The following ADNP2 variants were observed in gnomAD, a reference collection of about 807,000 sequenced individuals.
The protein encoded by ADNP2 is activity-dependent neuroprotector homeobox protein 2.
A neutral mutation model predicts 16.4 loss-of-function variants in ADNP2; 8 were observed. The ratio of observed to expected loss-of-function variants is 0.49; its 90% CI spans 0.29 to 0.88. The LOEUF (loss-of-function observed/expected upper bound fraction) is 0.88, where lower values mean the gene tolerates loss of function less well. Ranked by LOEUF, ADNP2 falls within the 40% of genes least tolerant of loss-of-function variation. The probability of loss-of-function intolerance (pLI) is 0.09; values close to 1 mark genes in which losing one functional copy is unlikely to be tolerated. For synonymous variants in ADNP2, 637 were observed against 545.8 expected, an observed-to-expected ratio of 1.17 and a Z score of -2.33; for missense variants, 1,397 against 1,395.1, an observed-to-expected ratio of 1.00 and a Z score of -0.02.
At chr18:80,128,991 C>A (rs1192795209) in intron 2 of ADNP2, among the ~76,000 whole-genome samples, 1 of 152,012 alleles carries the variant, frequency 6.6e-6, no homozygotes, top group Non-Finnish European at 1.5e-5. Flanking sequence ...AGCTATTTTA[C>A]CACTTGCTTT....
intron 2 of ADNP2, among the ~76,000 whole-genome samples, chr18:80,120,870 G>A (rs1309184106): frequency 6.6e-6 from 1 of 152,138 alleles, no homozygotes; most frequent in Non-Finnish European, 1.5e-5. Context: ...GGCCAGGATA[G>A]TCTCGATCTG....
chr18:80,123,615 C>T (rs1233956991), intron 2 of ADNP2, among the ~76,000 whole-genome samples: 4 of 152,242 alleles, frequency 2.6e-5, no homozygotes, highest in African/African-American at 4.8e-5. Flanking sequence ...GTGATCTGCC[C>T]GCCTCGGCCT....
At chr18:80,112,649 A>G (rs1303210636) in intron 1 of ADNP2, among the ~76,000 whole-genome samples, 1 of 152,250 alleles carries the variant, frequency 6.6e-6, no homozygotes, top group African/African-American at 2.4e-5. Flanking sequence ...TTGAACAAGT[A>G]ACCACAGACC....
At chr18:80,112,093 G>C (rs1914969) in intron 1 of ADNP2, among the ~76,000 whole-genome samples, 36,486 of 152,040 alleles carry the variant, frequency 0.24, 5,991 homozygotes, top group African/African-American at 0.47. Context: ...TTAGCCTGCT[G>C]TTTTCTAATG....
intron 2 of ADNP2, among the ~76,000 whole-genome samples, chr18:80,132,402 T>C (rs1032883315): frequency 6.6e-6 from 1 of 152,204 alleles, no homozygotes; most frequent in African/African-American, 2.4e-5. Context: ...GTGCATAGGT[T>C]ACATGCAAGT....
At chr18:80,130,742 C>T in intron 2 of ADNP2, among the ~76,000 whole-genome samples, 1 of 143,752 alleles carries the variant, frequency 7.0e-6, no homozygotes, top group African/African-American at 2.5e-5. Context: ...CAGCCCCCGC[C>T]CCCCCGCCCA....
At chr18:80,119,716 T>C (rs2052412465) in intron 2 of ADNP2, among the ~76,000 whole-genome samples, 1 of 152,226 alleles carries the variant, frequency 6.6e-6, no homozygotes, top group Non-Finnish European at 1.5e-5. Context: ...TAAACCCTGC[T>C]GCACATAGAA....
chr18:80,116,203 C>A (rs538723735), intron 1 of ADNP2, among the ~76,000 whole-genome samples: 7 of 152,176 alleles, frequency 4.6e-5, no homozygotes, highest in Non-Finnish European at 1.0e-4. Flanking sequence ...GTATGTATTT[C>A]ATTTCTTTTA....
chr18:80,121,729 G>A (rs1383119248), intron 2 of ADNP2, among the ~76,000 whole-genome samples: 3 of 152,078 alleles, frequency 2.0e-5, no homozygotes, highest in Non-Finnish European at 2.9e-5. Context: ...GTAGGAGTCC[G>A]GTTTCATTCT....
At chr18:80,132,114 T>A (rs543587387) in intron 2 of ADNP2, among the ~76,000 whole-genome samples, 1 of 152,334 alleles carries the variant, frequency 6.6e-6, no homozygotes, top group East Asian at 1.9e-4. Flanking sequence ...TAGATAGTTA[T>A]TTGTTGGGAG....
At chr18:80,117,328 T>G (rs1223911301) in intron 1 of ADNP2, among the ~76,000 whole-genome samples, 1 of 152,204 alleles carries the variant, frequency 6.6e-6, no homozygotes, top group Non-Finnish European at 1.5e-5. Context: ...TACAGGTGTG[T>G]GATCCACTTT....
intron 3 of ADNP2, among the ~76,000 whole-genome samples, chr18:80,134,349 ACT>A (rs1465582561): frequency 1.3e-5 from 2 of 151,334 alleles, no homozygotes; most frequent in Admixed American, 1.3e-4. Flanking sequence ...ACAGAGTGAG[ACT>A]CTGTCAAAAA....
Position 80,136,738 on chromosome 18 carries a change from G to T in ADNP2, c.1325G>T (p.Arg442Leu). 6.2e-7 allele frequency: 1 copy of T among 1,613,000 alleles called. No individual in the cohort carries two copies. The highest frequency in any genetic ancestry group is 8.5e-7 in the Non-Finnish European group (1 of 1,179,364). Reference protein sequence around the residue: ...AVSPGVLSVSRAVPSGVLPAG... With the variant: ...AVSPGVLSVSLAVPSGVLPAG... ...TCGCCAGGGGTGCTTTCTGTGAGTC[G>T]GGCGGTCCCGTCTGGAGTCCTTCCT... Residue 442 changes from arginine (R) to leucine (L), a missense_variant, in exon 4 of 4, where the codon CGG (arginine) becomes CTG (leucine). Transcript: ENST00000262198.
In ADNP2 at chr18:80,137,102, G is replaced by C; in HGVS notation, c.1689G>C (p.Gly563=). Reference sequence around the variant, plus strand: ...CTGTGGGCCAGCCAGTGAGGCCTGGGGTCTTGCAACTCAACCAGACTGTGG... The same window carrying C: ...CTGTGGGCCAGCCAGTGAGGCCTGGCGTCTTGCAACTCAACCAGACTGTGG... ...VLPVGQPVRP[G]VLQLNQTVGT... Residue 563 remains glycine (G), a synonymous_variant, in exon 4 of 4, where the codon GGG becomes GGC. Transcript: ENST00000262198. The surrounding 1 kb of genome is among the most constrained non-coding windows in gnomAD (Gnocchi z 4.2). 6.2e-7 allele frequency: 1 copy of C among 1,614,116 alleles called. No individual in the cohort carries two copies. Among genetic ancestry groups the C allele is most frequent in the Non-Finnish European group, 8.5e-7 (1 of 1,180,014 alleles).
Position 80,131,851 on chromosome 18 carries a change from G to C in ADNP2, c.109-1252G>C, listed in dbSNP as rs146526033. On this transcript the variant is annotated intron_variant, in intron 2 of 3. Transcript: ENST00000262198. ...ACATCACACACTCGGGCCTGTCATG[G>C]GGTGGGGGGCAGGGGGAGGGATAGC... Among the ~76,000 whole-genome samples the C allele has an allele frequency of 5.3e-5, 8 of 151,910 alleles. No individual in the cohort carries two copies. The East Asian group carries it at 1.6e-3, about 29-fold the overall frequency.
At position 80,138,929 on chromosome 18, in the gene ADNP2, T is replaced by C; in HGVS notation, c.*120T>C. 1 of 949,720 alleles carries C rather than the reference T, an allele frequency of 1.1e-6. No individual in the cohort carries two copies. The highest frequency in any genetic ancestry group is 1.5e-6 in the Non-Finnish European group (1 of 679,522). The allele number at this position is 949,720 out of a possible 1,614,324, so 58.8% of individuals were successfully genotyped here. ...AACCTCAGTGGTCACTGTGCTGCTC[T>C]GCAGAGTTACTTCAGGTGCTGGAGA... On this transcript the variant is annotated 3_prime_UTR_variant, in exon 4 of 4. Transcript: ENST00000262198.
chr18:80,131,561 TGAA>T (rs972947884), intron 2 of ADNP2, among the ~76,000 whole-genome samples: 1 of 126,216 alleles, frequency 7.9e-6, no homozygotes, highest in African/African-American at 3.2e-5. Flanking sequence ...GTGTTCAAGA[TGAA>T]GATTCTTTTT....
chr18:80,134,925 A>G lies in ADNP2; in HGVS notation c.199-687A>G, dbSNP rs564952275. Among the ~76,000 whole-genome samples the G allele has an allele frequency of 5.3e-5, 8 of 152,344 alleles. No homozygotes were observed. The East Asian group carries it at 1.5e-3, about 29-fold the overall frequency. ...CTCTAGAAATAGAGGAAGTAGAAAG[A>G]TAGTAATGATGGGTTTAACATTTTG... On this transcript the variant is annotated intron_variant, in intron 3 of 3. Transcript: ENST00000262198.
intron 2 of ADNP2, among the ~76,000 whole-genome samples, chr18:80,123,361 TTTTTTTGTTTTTTG>T (rs565270775): frequency 1.1e-4 from 17 of 152,072 alleles, no homozygotes; most frequent in Admixed American, 9.8e-4. Context: ...CCCTCCTCTT[TTTTTTTGTTTTTTG>T]TTTTTTGTTT....
Sources: allele counts gnomAD v4.1 joint callset (sites outside exome capture counted in the v4.1 genomes callset), GRCh38; gene constraint gnomAD v4.1.1; non-coding constraint Gnocchi (gnomAD v3.1); transcripts MANE v1.5; gene names NCBI Gene and HGNC (gene_info 2026-07-23, HGNC 2026-07-21).